FAT1: variants seen among roughly 807,000 people sequenced by gnomAD.
The protein encoded by FAT1 is FAT atypical cadherin 1.
In FAT1, 171 loss-of-function variants were observed where a neutral mutation model predicts 329.8. The ratio of observed to expected loss-of-function variants is 0.52; its 90% confidence interval spans 0.46 to 0.59. The LOEUF is 0.59. Among genes scored for constraint, FAT1 ranks in the 20% least tolerant of loss-of-function variants. The probability of loss-of-function intolerance (pLI) is 0.00; values close to 1 mark genes in which losing one functional copy is unlikely to be tolerated. For synonymous variants in FAT1, 2,233 were observed against 2,228.6 expected (o/e 1.00, Z -0.06); for missense variants, 5,672 against 5,774.4 (o/e 0.98, Z 0.57).
At chr4:186,653,069 A>G (rs1446965505) in intron 3 of FAT1, among the ~76,000 whole-genome samples, 9 of 152,228 alleles carry the variant, frequency 5.9e-5, no homozygotes, top group South Asian at 2.1e-4. Flanking sequence ...TCTAAAAAGC[A>G]TATGAAATGG....
intron 2 of FAT1, among the ~76,000 whole-genome samples, chr4:186,690,985 C>G (rs947586116): frequency 1.3e-5 from 2 of 151,974 alleles, no homozygotes; most frequent in African/African-American, 4.8e-5. Context: ...ATTGTGGCTA[C>G]TAAAATATAT....
intron 2 of FAT1, among the ~76,000 whole-genome samples, chr4:186,675,414 T>C (rs1579430876): frequency 6.6e-6 from 1 of 151,608 alleles, no homozygotes; most frequent in African/African-American, 2.4e-5. Context: ...TTGCAGTGAG[T>C]TGAGATTGCG....
chr4:186,623,335 G>A (rs1740141315), intron 9 of FAT1, among the ~76,000 whole-genome samples: 2 of 152,154 alleles, frequency 1.3e-5, no homozygotes, highest in African/African-American at 4.8e-5. Flanking sequence ...GCCGTCGTCA[G>A]AACGCCAAGA....
In FAT1 at chr4:186,620,560, T is replaced by C. The variant is rs764579183; in HGVS notation, c.6026A>G (p.Asn2009Ser). Residue 2009 changes from asparagine to serine, a missense_variant, in exon 10 of 27, where the codon AAT becomes AGT. By Grantham distance (46) the Asn-to-Ser change is conservative. This residue lies in a region of FAT1 where 3,966 missense variants were observed against 3,915.2 expected (regional missense o/e 1.01). Coordinates refer to ENST00000441802, the MANE Select transcript of FAT1 (RefSeq NM_005245.4). The stretch of plus-strand genomic sequence containing the variant: ...GAGGATGTGATAAAACAAAGGCTCA[T>C]TGATTGGATTCCCAATAGCAGTAAT... Reference protein sequence around the residue: ...AVITAIGNPINEPLFYHILNP... With the variant: ...AVITAIGNPISEPLFYHILNP... 6.7e-5 allele frequency: 108 copies of C among 1,614,008 alleles called. No homozygotes were observed. Among genetic ancestry groups the C allele is most frequent in the Middle Eastern group, 1.6e-4 (1 of 6,062 alleles).
At chr4:186,589,392 C>T (rs1218765986) in intron 26 of FAT1, among the ~76,000 whole-genome samples, 172 bp from the exon 27 acceptor site, 3 of 152,164 alleles carry the variant, frequency 2.0e-5, no homozygotes, top group Admixed American at 1.3e-4. Context: ...CAACCCACTC[C>T]AGTTTAAAGA....
intron 18 of FAT1, 116 bp from the exon 19 acceptor site, chr4:186,604,093 T>A: frequency 1.3e-6 from 1 of 788,322 alleles, no homozygotes; most frequent in Non-Finnish European, 2.0e-6. Flanking sequence ...AGATACTCAT[T>A]TCTCCACACA....
chr4:186,632,867 T>C (rs1740657817), intron 7 of FAT1, among the ~76,000 whole-genome samples: 1 of 152,214 alleles, frequency 6.6e-6, no homozygotes, highest in Non-Finnish European at 1.5e-5. Context: ...TCTTTTTCAT[T>C]TAGGCCACAG....
intron 3 of FAT1, among the ~76,000 whole-genome samples, chr4:186,654,609 A>G (rs1269883408): frequency 6.6e-6 from 1 of 152,186 alleles, no homozygotes; most frequent in Non-Finnish European, 1.5e-5. Context: ...TCCAAAATAC[A>G]TGAAATTTTT....
chr4:186,709,596 C>T lies in FAT1; in HGVS notation c.232G>A (p.Asp78Asn), dbSNP rs1202383911. 1 of 1,613,976 alleles carries T rather than the reference C, an allele frequency of 6.2e-7. No homozygotes were observed. Among genetic ancestry groups the T allele is most frequent in the South Asian group, 1.1e-5 (1 of 91,080 alleles). Residue 78 changes from aspartate to asparagine, a missense_variant, in exon 2 of 27, where the codon GAC becomes AAC. Asp to Asn is a conservative substitution (Grantham distance 23). Coordinates refer to ENST00000441802, the MANE Select transcript of FAT1 (RefSeq NM_005245.4). ...TCAGCTTTGAACAGGTTTTCACTGT[C>T]TCCGGAAACAATTTTGTACCTTACT... The part of the protein sequence containing the change: ...WEVRYKIVSG[D>N]SENLFKAEEY...
chr4:186,719,217 A>C (rs1172104424), intron 1 of FAT1, among the ~76,000 whole-genome samples: 1 of 152,176 alleles, frequency 6.6e-6, no homozygotes, highest in Non-Finnish European at 1.5e-5. Context: ...CCAAATCTGC[A>C]ATTTCAGCTC....
At chr4:186,687,337 A>T (rs552642411) in intron 2 of FAT1, among the ~76,000 whole-genome samples, 5 of 152,352 alleles carry the variant, frequency 3.3e-5, no homozygotes, top group Admixed American at 3.3e-4. Flanking sequence ...GCAAGAATGC[A>T]GAGAAATGGG....
At chr4:186,627,131 TGG>T (rs1740349019) in intron 9 of FAT1, among the ~76,000 whole-genome samples, 4 of 79,942 alleles carry the variant, frequency 5.0e-5, no homozygotes, top group Non-Finnish European at 9.0e-5. Context: ...ACATGGCACC[TGG>T]CACATAAAGT....
At chr4:186,599,412 C>A (rs1000708774) in intron 22 of FAT1, among the ~76,000 whole-genome samples, 4 of 152,128 alleles carry the variant, frequency 2.6e-5, no homozygotes, top group Non-Finnish European at 4.4e-5. Flanking sequence ...CCCCACTACG[C>A]CAGGGCTTCA....
At chr4:186,717,491 C>CA (rs961160134) in intron 1 of FAT1, among the ~76,000 whole-genome samples, 4 of 152,176 alleles carry the variant, frequency 2.6e-5, no homozygotes, top group Non-Finnish European at 4.4e-5. Context: ...CCACCGGTTC[C>CA]AATTTAACCC....
At chr4:186,591,853 T>C (rs1738253102) in intron 26 of FAT1, among the ~76,000 whole-genome samples, 1 of 152,150 alleles carries the variant, frequency 6.6e-6, no homozygotes, top group Admixed American at 6.5e-5. Context: ...CATCATGTCC[T>C]AGCATAAAGG....
intron 2 of FAT1, among the ~76,000 whole-genome samples, chr4:186,667,893 T>C (rs1477257214): frequency 6.6e-6 from 1 of 152,048 alleles, no homozygotes; most frequent in African/African-American, 2.4e-5. Context: ...GGCCTCAGGG[T>C]CTTCTCCACT....
chr4:186,595,850 T>G, intron 25 of FAT1, 24 bp from the exon 26 acceptor site: 3 of 1,613,368 alleles, frequency 1.9e-6, no homozygotes, highest in Non-Finnish European at 2.5e-6. Context: ...TGACAAACAG[T>G]AAGTATATGG....
At chr4:186,682,771 G>T (rs2126647361) in intron 2 of FAT1, among the ~76,000 whole-genome samples, 1 of 152,306 alleles carries the variant, frequency 6.6e-6, no homozygotes, top group East Asian at 1.9e-4. Context: ...ATCAGAGGAG[G>T]ATTTTCCTTC....
chr4:186,606,532 G>T (rs1739146006), intron 16 of FAT1, among the ~76,000 whole-genome samples: 1 of 152,128 alleles, frequency 6.6e-6, no homozygotes, highest in Admixed American at 6.5e-5. Flanking sequence ...ATTAGGACAA[G>T]AAGTTAACAT....
Sources: allele counts gnomAD v4.1 joint callset (sites outside exome capture counted in the v4.1 genomes callset), GRCh38; gene constraint gnomAD v4.1.1; regional missense constraint gnomAD v4.1.1; transcripts MANE v1.5; gene names NCBI Gene and HGNC (gene_info 2026-07-23, HGNC 2026-07-21).